NRXN3: variants seen among roughly 807,000 people sequenced by gnomAD.
NRXN3 encodes neurexin III.
Under a neutral mutation model 137.6 loss-of-function variants are expected in NRXN3, and 32 were observed. The ratio of observed to expected loss-of-function variants is 0.23; its 90% CI spans 0.18 to 0.31. The LOEUF is 0.31. Ranked by LOEUF, NRXN3 falls within the 10% of genes least tolerant of loss-of-function variation. The pLI is 1.00. For synonymous variants in NRXN3, 798 were observed against 784.5 expected, an observed-to-expected ratio of 1.02 and a Z score of -0.29; for missense variants, 1,574 against 2,062.5, an observed-to-expected ratio of 0.76 and a Z score of 4.59.
intron 15 of NRXN3, among the ~76,000 whole-genome samples, chr14:79,023,001 A>G (rs945235300): frequency 5.3e-5 from 8 of 152,136 alleles, no homozygotes; most frequent in African/African-American, 1.9e-4. Context: ...AAGGAATTAA[A>G]GCTGGAGTGT....
At chr14:79,030,033 T>TTTTC (rs1158236753) in intron 15 of NRXN3, among the ~76,000 whole-genome samples, 1 of 149,384 alleles carries the variant, frequency 6.7e-6, no homozygotes, top group Non-Finnish European at 1.5e-5. Flanking sequence ...TTCTTTTTTT[T>TTTTC]TTTCTTTCTT....
intron 10 of NRXN3, among the ~76,000 whole-genome samples, chr14:78,928,874 A>C (rs1475783496): frequency 2.0e-5 from 3 of 152,166 alleles, no homozygotes; most frequent in Admixed American, 1.3e-4. Flanking sequence ...GAATTGCCAC[A>C]CTGTCTTCCA....
intron 11 of NRXN3, among the ~76,000 whole-genome samples, chr14:78,961,265 T>C (rs2099407668): frequency 6.6e-6 from 1 of 152,128 alleles, no homozygotes; most frequent in Non-Finnish European, 1.5e-5. Context: ...ATTATTATTC[T>C]TTTTTGCTGA....
At position 79,587,822 on chromosome 14, in the gene NRXN3, C is replaced by T. The variant is rs185907199; in HGVS notation, c.3445-75956C>T. ...GTGGGATCTAGAATTTGAATGGAAA[C>T]GGTCTTCAATTTTAAATATTCATCT... is the stretch of plus-strand genomic sequence containing the variant. On this transcript the variant is annotated intron_variant, in intron 16 of 20. Coordinates refer to ENST00000335750, the MANE Select transcript of NRXN3 (RefSeq NM_001330195.2). Among the ~76,000 whole-genome samples, 176 of 152,236 alleles carry T rather than the reference C, an allele frequency of 1.2e-3. 1 individual carries two copies. The highest frequency in any genetic ancestry group is 3.6e-3 in the African/African-American group (151 of 41,548).
At chr14:78,728,017 A>G (rs1360771235) in intron 8 of NRXN3, among the ~76,000 whole-genome samples, 1 of 152,184 alleles carries the variant, frequency 6.6e-6, no homozygotes, top group Non-Finnish European at 1.5e-5. Flanking sequence ...CTGAGATTCA[A>G]AGTGATTATA....
At chr14:78,755,709 A>T (rs1378616787) in intron 8 of NRXN3, among the ~76,000 whole-genome samples, 1 of 152,186 alleles carries the variant, frequency 6.6e-6, no homozygotes, top group Non-Finnish European at 1.5e-5. Context: ...GAGGAAAGGT[A>T]CTTAGTAGCA....
intron 15 of NRXN3, among the ~76,000 whole-genome samples, chr14:79,219,157 T>C (rs757261197): frequency 6.6e-6 from 1 of 152,194 alleles, no homozygotes; most frequent in African/African-American, 2.4e-5. Flanking sequence ...GGTCTCACTC[T>C]GTGCCCCACG....
intron 15 of NRXN3, among the ~76,000 whole-genome samples, chr14:79,125,659 C>T (rs949575604): frequency 1.3e-5 from 2 of 152,156 alleles, no homozygotes; most frequent in African/African-American, 2.4e-5. Context: ...ATCAGCACCC[C>T]TTTCACTATG....
chr14:78,254,067 T>C (rs2069101345), intron 2 of NRXN3, among the ~76,000 whole-genome samples: 2 of 152,190 alleles, frequency 1.3e-5, no homozygotes, highest in African/African-American at 4.8e-5. Flanking sequence ...GGTAAAATTC[T>C]TAAGGGATTC....
intron 19 of NRXN3, among the ~76,000 whole-genome samples, chr14:79,720,869 G>T (rs1436899736): frequency 6.6e-6 from 1 of 152,030 alleles, no homozygotes; most frequent in Non-Finnish European, 1.5e-5. Context: ...AATAGTAAAG[G>T]TGGGAATATT....
intron 4 of NRXN3, among the ~76,000 whole-genome samples, chr14:78,354,585 A>G (rs1307215425): frequency 6.6e-6 from 1 of 152,150 alleles, no homozygotes; most frequent in Admixed American, 6.5e-5. Flanking sequence ...CAATTTTCTA[A>G]AGAATTGTCC....
At chr14:78,693,658 TGTGTGTGTGTGTG>T (rs2098195854) in intron 6 of NRXN3, among the ~76,000 whole-genome samples, 1 of 4,920 alleles carries the variant, frequency 2.0e-4, no homozygotes, top group African/African-American at 9.9e-4. Context: ...TTGATTTTCG[TGTGTGTGTGTGTG>T]TGTGTGTGTG....
chr14:78,814,219 A>G (rs1403039737), intron 10 of NRXN3, among the ~76,000 whole-genome samples: 1 of 152,350 alleles, frequency 6.6e-6, no homozygotes, highest in South Asian at 2.1e-4. Flanking sequence ...CACTTAATAC[A>G]TATAGTTCTA....
chr14:79,400,086 A>G lies in NRXN3; in HGVS notation c.3263-67135A>G, dbSNP rs140158181. Among the ~76,000 whole-genome samples, 642 of 152,224 alleles carry G rather than the reference A, an allele frequency of 4.2e-3. 7 individuals carry two copies. The highest frequency in any genetic ancestry group is 0.014 in the African/African-American group (577 of 41,530). Reference sequence around the variant, plus strand: ...AGTCTTTTATTTGGAACCCACCCTAATCCAATATGACCTCATTTAAACTAA... The same window carrying G: ...AGTCTTTTATTTGGAACCCACCCTAGTCCAATATGACCTCATTTAAACTAA... On this transcript the variant is annotated intron_variant, in intron 15 of 20. Coordinates refer to ENST00000335750, the MANE Select transcript of NRXN3 (RefSeq NM_001330195.2).
At chr14:79,595,578 G>C (rs953176188) in intron 16 of NRXN3, among the ~76,000 whole-genome samples, 4 of 151,784 alleles carry the variant, frequency 2.6e-5, no homozygotes, top group African/African-American at 7.3e-5. Context: ...CACAATTTTT[G>C]TTCTAATAAA....
chr14:79,519,343 A>T (rs530471293), intron 16 of NRXN3, among the ~76,000 whole-genome samples: 1 of 151,608 alleles, frequency 6.6e-6, no homozygotes, highest in East Asian at 1.9e-4. Context: ...ACCCTTTTTA[A>T]TTTTTTTGTA....
chr14:78,456,918 T>TTCCCCTCTCCCTCCCTTCCTCCCTTCCC (rs1474075911), intron 4 of NRXN3, among the ~76,000 whole-genome samples: 1 of 149,974 alleles, frequency 6.7e-6, no homozygotes, highest in African/African-American at 2.5e-5. Flanking sequence ...CCTTCCTTCC[T>TTCCCCTCTCCCTCCCTTCCTCCCTTCCC]TCCTCTCTCC....
At chr14:79,569,580 T>C (rs2097578564) in intron 16 of NRXN3, among the ~76,000 whole-genome samples, 1 of 151,182 alleles carries the variant, frequency 6.6e-6, no homozygotes, top group Non-Finnish European at 1.5e-5. Context: ...AGAAAAAAAT[T>C]AATGGGCTTT....
At chr14:78,971,738 C>G (rs1323310845) in intron 14 of NRXN3, among the ~76,000 whole-genome samples, 1 of 152,058 alleles carries the variant, frequency 6.6e-6, no homozygotes, top group Non-Finnish European at 1.5e-5. Flanking sequence ...CAGCTTCAAG[C>G]GAATCTGCTG....
Sources: gnomAD v4.1 joint callset for allele counts (sites outside exome capture counted in the v4.1 genomes callset) on GRCh38, gnomAD v4.1.1 for gene constraint, MANE v1.5 for transcripts, NCBI Gene and HGNC (gene_info 2026-07-23, HGNC 2026-07-21) for gene names.